Variants in FMNL2 observed in about 807,000 individuals in gnomAD.
FMNL2 encodes the protein formin like 2.
A neutral mutation model predicts 130.2 loss-of-function variants in FMNL2; 51 were observed. The observed-to-expected ratio is 0.39, with a 90% CI of 0.31 to 0.49. FMNL2 has a LOEUF of 0.49. FMNL2 is among the 20% of genes least tolerant of loss of function. The probability of loss-of-function intolerance (pLI) is 0.85; values close to 1 mark genes in which losing one functional copy is unlikely to be tolerated. For missense variants in FMNL2, 977 were observed against 1,316.2 expected (o/e 0.74, Z 3.99); for synonymous variants, 465 against 467.1 (o/e 1.00, Z 0.06).
At chr2:152,588,193 G>C (rs1442795453) in intron 9 of FMNL2, among the ~76,000 whole-genome samples, 1 of 152,212 alleles carries the variant, frequency 6.6e-6, no homozygotes, top group East Asian at 1.9e-4. Context: ...ATCTCTGAAG[G>C]CTCCAGGAGA....
chr2:152,390,524 A>G lies in FMNL2; in HGVS notation c.117+54804A>G, dbSNP rs1048305722. On this transcript the variant is annotated intron_variant, in intron 1 of 25. Transcript: ENST00000288670. ...TGGAAAAGATGATGTATGACCAGAG[A>G]CAGAAGTCCATGGGGCTGCCAATCT... The G allele has an allele frequency of 1.7e-5, 26 of 1,546,236 alleles. No homozygotes were observed. In the Admixed American group the frequency reaches 3.5e-4, roughly 21 times the overall value.
chr2:152,367,542 A>G (rs1353355221), intron 1 of FMNL2, among the ~76,000 whole-genome samples: 1 of 152,188 alleles, frequency 6.6e-6, no homozygotes, highest in African/African-American at 2.4e-5. Context: ...AGTCACTTAG[A>G]TAATTTCTTG....
chr2:152,525,284 T>C (rs4664594), intron 2 of FMNL2, among the ~76,000 whole-genome samples: 17,539 of 152,234 alleles, frequency 0.12, 1,641 homozygotes, highest in Admixed American at 0.23. Flanking sequence ...TTACAGGTTG[T>C]GGATTCATAA....
Position 152,641,037 on chromosome 2 carries a change from A to G in FMNL2, c.3169+123A>G, listed in dbSNP as rs556010335. 1.8e-5 allele frequency: 23 copies of G among 1,274,196 alleles called. No individual in the cohort carries two copies. The Admixed American group carries it at 5.1e-4, about 28-fold the overall frequency. 78.9% of individuals were successfully genotyped at this position (1,274,196 alleles called of 1,614,324 possible). Reference sequence around the variant, plus strand: ...TCAAGTTCATTAGTTGACTTTATTCACACCCAGAGTGATGCAGAGAGGCTT... The same window carrying G: ...TCAAGTTCATTAGTTGACTTTATTCGCACCCAGAGTGATGCAGAGAGGCTT... On this transcript the variant is annotated intron_variant, in intron 25 of 25. Coordinates refer to ENST00000288670, the MANE Select transcript of FMNL2 (RefSeq NM_052905.4).
chr2:152,440,752 G>A (rs906885511), intron 1 of FMNL2, among the ~76,000 whole-genome samples: 1 of 152,186 alleles, frequency 6.6e-6, no homozygotes, highest in African/African-American at 2.4e-5. Context: ...GAACACAGAG[G>A]TGAATTTCAT....
rs188399807 is a variant in FMNL2 at position 152,614,741 on chromosome 2, T to C, written c.1063-110T>C. On this transcript the variant is annotated intron_variant, in intron 11 of 25. Transcript: ENST00000288670. ...CTGGGTGACAGAGTGAAACTCCATC[T>C]CAAAACAAAACAAAACAAAACAAAA... 4 of 1,024,010 alleles carry C rather than the reference T, an allele frequency of 3.9e-6. No individual in the cohort carries two copies. The South Asian group carries it at 5.9e-5, about 15-fold the overall frequency. The allele number at this position is 1,024,010 out of a possible 1,614,324, so 63.4% of individuals were successfully genotyped here. A position where few individuals can be genotyped will look rare whatever the true frequency, so the allele number is the denominator to read the frequency against.
At chr2:152,391,760 A>G (rs537065806) in intron 1 of FMNL2, among the ~76,000 whole-genome samples, 7 of 147,738 alleles carry the variant, frequency 4.7e-5, no homozygotes, top group African/African-American at 1.7e-4. Context: ...ATTAATAATA[A>G]TGTTGCTCTT....
At chr2:152,590,324 A>G (rs886919380) in intron 9 of FMNL2, among the ~76,000 whole-genome samples, 2 of 152,070 alleles carry the variant, frequency 1.3e-5, no homozygotes, top group African/African-American at 4.8e-5. Flanking sequence ...GGTTATATTA[A>G]CCGTCTTATT....
intron 1 of FMNL2, among the ~76,000 whole-genome samples, chr2:152,521,145 C>T (rs1693063014): frequency 1.3e-5 from 2 of 152,252 alleles, no homozygotes; most frequent in South Asian, 4.1e-4. Flanking sequence ...GGTCTTTTGC[C>T]AAAGACCTCA....
intron 1 of FMNL2, among the ~76,000 whole-genome samples, chr2:152,425,972 G>A (rs1277020982): frequency 6.6e-6 from 1 of 152,192 alleles, no homozygotes; most frequent in African/African-American, 2.4e-5. Flanking sequence ...CTCTGACCTG[G>A]TAGGTTGAAT....
chr2:152,497,262 C>T (rs192367300), intron 1 of FMNL2, among the ~76,000 whole-genome samples: 1 of 152,248 alleles, frequency 6.6e-6, no homozygotes, highest in African/African-American at 2.4e-5. Flanking sequence ...TTTCAGAATG[C>T]TAACACATAC....
intron 10 of FMNL2, 169 bp downstream of exon 10, chr2:152,607,582 T>C (rs1213829208): frequency 1.8e-6 from 1 of 555,766 alleles, no homozygotes; most frequent in East Asian, 2.9e-5. Flanking sequence ...TCTTAATCTG[T>C]ATTTCTCTTT....
intron 9 of FMNL2, among the ~76,000 whole-genome samples, chr2:152,606,632 T>C (rs1698371402): frequency 7.2e-5 from 1 of 13,956 alleles, no homozygotes; most frequent in Admixed American, 9.3e-4. Context: ...TTTGACTCTT[T>C]TTTTTTTTTT....
rs919805706 is a variant in FMNL2 at position 152,643,467 on chromosome 2, G to A, written c.3169+2553G>A. ...GCTCGCACCGCCAAGCGTGGCTCTC[G>A]GTTTTTCTGCGAACCTGTTCTCACT... On this transcript the variant is annotated intron_variant, in intron 25 of 25. Coordinates refer to ENST00000288670, the MANE Select transcript of FMNL2 (RefSeq NM_052905.4). 18 of 1,536,054 alleles carry A rather than the reference G, an allele frequency of 1.2e-5. No homozygotes were observed. In the East Asian group the frequency reaches 1.7e-4, roughly 15 times the overall value.
intron 1 of FMNL2, among the ~76,000 whole-genome samples, chr2:152,501,593 T>C (rs1199185324): frequency 6.6e-6 from 1 of 152,190 alleles, no homozygotes; most frequent in Non-Finnish European, 1.5e-5. Context: ...GTCCACGGTT[T>C]TGGGTGAGAG....
intron 6 of FMNL2, among the ~76,000 whole-genome samples, chr2:152,566,461 C>T (rs1365540998): frequency 6.6e-6 from 1 of 152,118 alleles, no homozygotes; most frequent in Admixed American, 6.5e-5. Flanking sequence ...AGTGAAACAA[C>T]TTGCCTTGGG....
Position 152,622,504 on chromosome 2 carries a change from G to T in FMNL2, c.1837+2786G>T, listed in dbSNP as rs142212736. ...ACTCTAACCATATCTAATTTTTTTT[G>T]TATTTTCTCTGTTCTTTCTGCTTCC... On this transcript the variant is annotated intron_variant, in intron 15 of 25. Coordinates refer to ENST00000288670, the MANE Select transcript of FMNL2 (RefSeq NM_052905.4). 1.8e-3 allele frequency: 841 copies of T among 456,380 alleles called. 1 individual carries two copies. Among genetic ancestry groups the T allele is most frequent in the African/African-American group, 0.016 (792 of 50,094 alleles). The allele number at this position is 456,380 out of a possible 1,614,324, so 28.3% of individuals were successfully genotyped here. A position where few individuals can be genotyped will look rare whatever the true frequency, so the allele number is the denominator to read the frequency against.
intron 9 of FMNL2, among the ~76,000 whole-genome samples, chr2:152,603,451 A>T (rs1387081489): frequency 1.5e-5 from 2 of 136,638 alleles, no homozygotes; most frequent in African/African-American, 2.6e-5. Flanking sequence ...TGTAACGCAC[A>T]TGTTCTCAGT....
intron 1 of FMNL2, among the ~76,000 whole-genome samples, chr2:152,364,511 A>G (rs189823269): frequency 6.6e-6 from 1 of 152,244 alleles, no homozygotes; most frequent in African/African-American, 2.4e-5. Context: ...TAAACCGTAA[A>G]ACATATCTTG....
Sources: allele counts gnomAD v4.1 joint callset (sites outside exome capture counted in the v4.1 genomes callset), GRCh38; gene constraint gnomAD v4.1.1; transcripts MANE v1.5; gene names NCBI Gene and HGNC (gene_info 2026-07-23, HGNC 2026-07-21).